Variants in NTRK3 observed in about 807,000 individuals in gnomAD.
The protein encoded by NTRK3 is neurotrophic receptor tyrosine kinase 3, also known as NT-3 growth factor receptor.
NTRK3 carries 24 observed loss-of-function variants against 91.7 expected under a neutral mutation model. That is an observed-to-expected ratio of 0.26 (90% CI 0.19 to 0.37). The LOEUF (loss-of-function observed/expected upper bound fraction) is 0.37. Among genes scored for constraint, NTRK3 ranks in the 10% least tolerant of loss-of-function variants. The pLI, the probability that NTRK3 is intolerant of heterozygous loss-of-function variation, is 1.00. For synonymous variants in NTRK3, 483 were observed against 404.0 expected (o/e 1.20, Z -2.34); for missense variants, 880 against 1,068.9 (o/e 0.82, Z 2.46).
chr15:88,015,177 A>C (rs2077142607), intron 14 of NTRK3, among the ~76,000 whole-genome samples: 1 of 152,190 alleles, frequency 6.6e-6, no homozygotes, highest in Admixed American at 6.5e-5. Flanking sequence ...TTTTTATTAC[A>C]GTGTTGATAG....
chr15:88,093,707 G>A (rs2049266910), intron 13 of NTRK3, among the ~76,000 whole-genome samples: 1 of 152,148 alleles, frequency 6.6e-6, no homozygotes, highest in Non-Finnish European at 1.5e-5. Context: ...AATCTGCCAT[G>A]AGCACTATGG....
intron 13 of NTRK3, among the ~76,000 whole-genome samples, chr15:88,124,226 C>G (rs2053043262): frequency 6.6e-6 from 1 of 152,294 alleles, no homozygotes; most frequent in South Asian, 2.1e-4. Context: ...AGTTGCCCGA[C>G]TTTACAATAG....
At chr15:87,992,078 A>T (rs1327404560) in intron 14 of NTRK3, among the ~76,000 whole-genome samples, 1 of 152,010 alleles carries the variant, frequency 6.6e-6, no homozygotes, top group African/African-American at 2.4e-5. Flanking sequence ...CCAGTCCTTA[A>T]GTTAATCCAT....
chr15:88,090,853 G>GA (rs199929411), intron 13 of NTRK3, among the ~76,000 whole-genome samples: 242 of 150,800 alleles, frequency 1.6e-3, no homozygotes, highest in African/African-American at 4.8e-3. Context: ...CCCTAAATGT[G>GA]AAAAAAAAAG....
chr15:88,061,124 T>C (rs1597069935), intron 13 of NTRK3, among the ~76,000 whole-genome samples: 1 of 152,302 alleles, frequency 6.6e-6, no homozygotes. Flanking sequence ...CTTTCAAATC[T>C]GGCATCAGGT....
At chr15:88,000,529 C>A (rs2076028558) in intron 14 of NTRK3, among the ~76,000 whole-genome samples, 1 of 152,070 alleles carries the variant, frequency 6.6e-6, no homozygotes. Flanking sequence ...TGCCTCTGAC[C>A]CCTGGAAACA....
chr15:88,100,397 G>C (rs1002596737), intron 13 of NTRK3, among the ~76,000 whole-genome samples: 2 of 152,204 alleles, frequency 1.3e-5, no homozygotes, highest in Admixed American at 1.3e-4. Flanking sequence ...GGGGAACCAA[G>C]TATTACATAG....
chr15:88,228,003 G>A (rs1355315992), intron 3 of NTRK3, among the ~76,000 whole-genome samples: 1 of 152,060 alleles, frequency 6.6e-6, no homozygotes, highest in African/African-American at 2.4e-5. Flanking sequence ...TCACTAACCT[G>A]CAGGCCTGGT....
chr15:88,074,506 A>C (rs1278286064), intron 13 of NTRK3, among the ~76,000 whole-genome samples: 56 of 152,232 alleles, frequency 3.7e-4, no homozygotes, highest in Admixed American at 3.7e-3. Context: ...CTCTGACATC[A>C]GGCTGATCCT....
intron 3 of NTRK3, among the ~76,000 whole-genome samples, chr15:88,214,035 T>C (rs923645360): frequency 1.3e-5 from 2 of 151,766 alleles, no homozygotes; most frequent in Non-Finnish European, 2.9e-5. Flanking sequence ...GCCAAGATCA[T>C]GCCACTGCAC....
At chr15:88,249,124 C>T in intron 3 of NTRK3, among the ~76,000 whole-genome samples, 1 of 152,122 alleles carries the variant, frequency 6.6e-6, no homozygotes, top group Non-Finnish European at 1.5e-5. Flanking sequence ...GAATCTCCCA[C>T]CACCCAGACT....
intron 6 of NTRK3, among the ~76,000 whole-genome samples, chr15:88,145,347 G>T (rs1320438960): frequency 6.6e-6 from 1 of 152,110 alleles, no homozygotes; most frequent in Admixed American, 6.5e-5. Flanking sequence ...TTAGAGGGGG[G>T]CTTCTTTATT....
intron 13 of NTRK3, among the ~76,000 whole-genome samples, chr15:88,084,616 C>G (rs902386719): frequency 3.3e-5 from 5 of 152,218 alleles, no homozygotes; most frequent in African/African-American, 1.2e-4. Flanking sequence ...GGAAGAATGA[C>G]CACTGCTCCA....
rs1056832215 is a variant in NTRK3 at position 88,240,087 on chromosome 15, C to A, written c.248+15819G>T. 3.9e-5 allele frequency among the ~76,000 whole-genome samples: 6 copies of A among 151,998 alleles called. No individual in the cohort carries two copies. The highest frequency in any genetic ancestry group is 4.4e-5 in the Non-Finnish European group (3 of 67,996). On this transcript the variant is annotated intron_variant, in intron 3 of 18. Coordinates refer to ENST00000394480, the Ensembl canonical transcript of NTRK3. The surrounding 1 kb of genome is among the most constrained non-coding windows in gnomAD (Gnocchi z 4.9). ...ACACACACACACAGGAACAAGGTTC[C>A]CACGCACCTGTGTGCAGGAGCACAG...
chr15:88,222,306 G>A (rs1045116548), intron 3 of NTRK3, among the ~76,000 whole-genome samples: 2 of 152,130 alleles, frequency 1.3e-5, no homozygotes, highest in African/African-American at 2.4e-5. Context: ...TATGCAGCAG[G>A]TACTGTTATT....
chr15:88,111,594 A>C (rs1306149079), intron 13 of NTRK3, among the ~76,000 whole-genome samples: 1 of 151,986 alleles, frequency 6.6e-6, no homozygotes, highest in Non-Finnish European at 1.5e-5. Context: ...TGGGATGGGG[A>C]CTCCCTAAGG....
At chr15:88,029,944 A>C (rs551943906) in intron 14 of NTRK3, among the ~76,000 whole-genome samples, 1 of 152,318 alleles carries the variant, frequency 6.6e-6, no homozygotes, top group Non-Finnish European at 1.5e-5. Context: ...CCAAAGGATT[A>C]GCAGAGGGAG....
exon 19 of NTRK3, chr15:87,861,466 T>C (rs1367010396): frequency 1.0e-5 from 2 of 200,898 alleles, no homozygotes; most frequent in African/African-American, 2.3e-5. Context: ...TGAAATAAGA[T>C]ATGTAAAGTA....
intron 14 of NTRK3, among the ~76,000 whole-genome samples, chr15:87,994,712 TTGGCAGGAACATA>T (rs1205758496): frequency 1.3e-5 from 2 of 152,164 alleles, no homozygotes; most frequent in Non-Finnish European, 2.9e-5. Context: ...AGTACATAAT[TTGGCAGGAACATA>T]AGGCAGGAAT....
Sources: allele counts gnomAD v4.1 joint callset (sites outside exome capture counted in the v4.1 genomes callset), GRCh38; gene constraint gnomAD v4.1.1; non-coding constraint Gnocchi (gnomAD v3.1); transcripts MANE v1.5; gene names NCBI Gene and HGNC (gene_info 2026-07-23, HGNC 2026-07-21).